TM4SF5: variants seen among roughly 807,000 people sequenced by gnomAD.
TM4SF5 encodes the protein transmembrane 4 L6 family member 5.
A neutral mutation model predicts 22.3 loss-of-function variants in TM4SF5; 16 were observed. The observed-to-expected ratio is 0.72, with a 90% confidence interval of 0.49 to 1.09. TM4SF5 has a LOEUF of 1.09. Ranked by LOEUF, TM4SF5 falls within the 50% of genes least tolerant of loss-of-function variation. TM4SF5 has a pLI of 0.00. For missense variants in TM4SF5, 249 were observed against 266.1 expected (o/e 0.94, Z 0.45); for synonymous variants, 113 against 109.6 (o/e 1.03, Z -0.19).
intron 1 of TM4SF5, among the ~76,000 whole-genome samples, chr17:4,778,130 G>T (rs1320441768): frequency 6.6e-6 from 1 of 152,164 alleles, no homozygotes; most frequent in Non-Finnish European, 1.5e-5. Flanking sequence ...GGATCCACAA[G>T]CCTCCAGTAA....
chr17:4,773,359 G>A (rs1419586652), intron 1 of TM4SF5, among the ~76,000 whole-genome samples: 3 of 152,120 alleles, frequency 2.0e-5, no homozygotes, highest in African/African-American at 7.2e-5. Context: ...AGAAGTGGAG[G>A]AAAAGGAGAC....
chr17:4,774,483 T>C (rs1430325480), intron 1 of TM4SF5, among the ~76,000 whole-genome samples: 2 of 148,630 alleles, frequency 1.3e-5, no homozygotes, highest in African/African-American at 2.5e-5. Flanking sequence ...AATGAAAGAT[T>C]GCAGTGAGCT....
At chr17:4,782,360 T>C in intron 2 of TM4SF5, 143 bp from the exon 3 acceptor site, 2 of 969,136 alleles carry the variant, frequency 2.1e-6, no homozygotes, top group Admixed American at 4.7e-5. Flanking sequence ...ATTACAGGGG[T>C]GAGCCACCGC....
At chr17:4,776,965 C>T (rs1917218302) in intron 1 of TM4SF5, among the ~76,000 whole-genome samples, 1 of 151,914 alleles carries the variant, frequency 6.6e-6, no homozygotes, top group Non-Finnish European at 1.5e-5. Context: ...TTTTGGAGGC[C>T]GAGGCCAGCG....
chr17:4,773,103 C>G (rs1917143731), intron 1 of TM4SF5, among the ~76,000 whole-genome samples: 1 of 152,064 alleles, frequency 6.6e-6, no homozygotes, highest in South Asian at 2.1e-4. Flanking sequence ...CAGGGTTTCG[C>G]CACGTTGGCT....
At chr17:4,776,796 A>T (rs1917214655) in intron 1 of TM4SF5, among the ~76,000 whole-genome samples, 1 of 152,176 alleles carries the variant, frequency 6.6e-6, no homozygotes, top group Non-Finnish European at 1.5e-5. Context: ...AGTTTTCTGT[A>T]GTTCTTAGTG....
At position 4,782,859 on chromosome 17, in the gene TM4SF5, C is replaced by A. The variant is rs777769766; in HGVS notation, c.401C>A (p.Ala134Asp). The A allele has an allele frequency of 1.2e-6, 2 of 1,611,418 alleles. No individual in the cohort carries two copies. The highest frequency in any genetic ancestry group is 4.5e-5 in the East Asian group (2 of 44,866). ...TGGCCTCACCCCTCCCACAGGGGAG[C>A]TTACTTGCTCAACCGCACTCTATGG... Reference protein sequence around the residue: ...WGYHFEDTAGAYLLNRTLWDR... With the variant: ...WGYHFEDTAGDYLLNRTLWDR... The change falls in exon 4 of 5, where the codon GCT becomes GAT. Residue 134 changes from alanine (A) to aspartate (D), a missense_variant. Coordinates refer to ENST00000270560, the MANE Select transcript of TM4SF5 (RefSeq NM_003963.3).
At chr17:4,782,667 C>G (rs565370294) in intron 3 of TM4SF5, 28 bp downstream of exon 3, 5 of 1,612,242 alleles carry the variant, frequency 3.1e-6, no homozygotes, top group African/African-American at 1.3e-5. Context: ...TTCGTGTCCT[C>G]CATTCTCTGC....
Position 4,780,844 on chromosome 17 carries a change from C to T in TM4SF5, c.233C>T (p.Ala78Val). 1 of 1,611,722 alleles carries T rather than the reference C, an allele frequency of 6.2e-7. No homozygotes were observed. The highest frequency in any genetic ancestry group is 1.1e-5 in the South Asian group (1 of 90,512). ...VRAGGKGCCG[A>V]GCCGNRCRML... ...GCAGGGGGCAAGGGCTGCTGTGGTG[C>T]TGGGTGCTGTGGAAACCGCTGCAGG... Residue 78 changes from alanine (A) to valine (V), a missense_variant, in exon 2 of 5, where the codon GCT (alanine) becomes GTT (valine). Transcript: ENST00000270560.
intron 2 of TM4SF5, 145 bp downstream of exon 2, chr17:4,781,014 T>TA: frequency 1.5e-6 from 1 of 646,116 alleles, no homozygotes; most frequent in Non-Finnish European, 2.6e-6. Context: ...TCCCTATCTC[T>TA]ACTAACAATA....
Position 4,771,913 on chromosome 17 carries a change from A to G in TM4SF5, c.-10A>G. The G allele has an allele frequency of 1.2e-6, 2 of 1,613,898 alleles. No homozygotes were observed. Among genetic ancestry groups the G allele is most frequent in the Non-Finnish European group, 8.5e-7 (1 of 1,179,932 alleles). On this transcript the variant is annotated 5_prime_UTR_variant, in exon 1 of 5. Coordinates refer to ENST00000270560, the MANE Select transcript of TM4SF5 (RefSeq NM_003963.3). ...TTTCACTCACCGCCTGTCCTTCCTG[A>G]CACCTCACCATGTGTACGGGAAAAT...
At chr17:4,772,408 T>C (rs1917128330) in intron 1 of TM4SF5, among the ~76,000 whole-genome samples, 1 of 152,036 alleles carries the variant, frequency 6.6e-6, no homozygotes, top group African/African-American at 2.4e-5. Context: ...CTCACTACAA[T>C]GGTCGAGGCA....
intron 1 of TM4SF5, among the ~76,000 whole-genome samples, chr17:4,776,675 T>G (rs945675143): frequency 2.0e-5 from 3 of 152,222 alleles, no homozygotes; most frequent in African/African-American, 7.2e-5. Context: ...ATAAATATTC[T>G]TGTAGATGTA....
chr17:4,776,133 G>C (rs2150645758), intron 1 of TM4SF5, among the ~76,000 whole-genome samples: 1 of 152,244 alleles, frequency 6.6e-6, no homozygotes, highest in South Asian at 2.1e-4. Flanking sequence ...ACGAGCGTGA[G>C]CCACCGCGCC....
At chr17:4,778,594 G>A (rs1917246763) in intron 1 of TM4SF5, among the ~76,000 whole-genome samples, 2 of 152,004 alleles carry the variant, frequency 1.3e-5, no homozygotes, top group Admixed American at 1.3e-4. Flanking sequence ...ATGACAGAGT[G>A]AGATCCTGTC....
In TM4SF5 at chr17:4,773,850, CCT is replaced by C. The variant is rs975903960; in HGVS notation, c.177+1752_177+1753del. On this transcript the variant is annotated intron_variant, in intron 1 of 4. Transcript: ENST00000270560. ...TAACCAGCTTGCTTCAGCGGAGCTC[CCT>C]GAGTCTGCCTTCCCCAAATATGCAT... Among the ~76,000 whole-genome samples the C allele has an allele frequency of 3.0e-4, 45 of 152,292 alleles. 3 individuals are homozygous for C. The highest frequency in any genetic ancestry group is 1.0e-3 in the African/African-American group (42 of 41,564).
chr17:4,779,618 G>A (rs899476875), intron 1 of TM4SF5, among the ~76,000 whole-genome samples: 9 of 152,126 alleles, frequency 5.9e-5, no homozygotes, highest in African/African-American at 7.2e-5. Flanking sequence ...GAGAAAATTT[G>A]ATGTCTTTCT....
At chr17:4,779,055 CAAAAAAAA>C (rs1297196059) in intron 1 of TM4SF5, among the ~76,000 whole-genome samples, 1 of 54,750 alleles carries the variant, frequency 1.8e-5, no homozygotes, top group Non-Finnish European at 4.0e-5. Context: ...GACTCCGTCT[CAAAAAAAA>C]AAAAAAAAAA....
At chr17:4,775,780 A>G (rs921020124) in intron 1 of TM4SF5, among the ~76,000 whole-genome samples, 12 of 151,984 alleles carry the variant, frequency 7.9e-5, no homozygotes, top group African/African-American at 1.7e-4. Flanking sequence ...AAGCGTAACC[A>G]CTATTCTGTC....
Sources: allele counts gnomAD v4.1 joint callset (sites outside exome capture counted in the v4.1 genomes callset), GRCh38; gene constraint gnomAD v4.1.1; transcripts MANE v1.5; gene names NCBI Gene and HGNC (gene_info 2026-07-23, HGNC 2026-07-21).